The following KDM2B variants were observed in gnomAD, a reference collection of about 807,000 sequenced individuals.
KDM2B encodes lysine demethylase 2B, also known as lysine-specific demethylase 2B.
Under a neutral mutation model 150.0 loss-of-function variants are expected in KDM2B, and 26 were observed. That is an observed-to-expected ratio of 0.17 (90% CI 0.13 to 0.24). The LOEUF (loss-of-function observed/expected upper bound fraction) is 0.24. KDM2B is among the 10% of genes least tolerant of loss of function. The probability of loss-of-function intolerance (pLI) is 1.00; values close to 1 mark genes in which losing one functional copy is unlikely to be tolerated. For synonymous variants in KDM2B, 734 were observed against 729.5 expected, an observed-to-expected ratio of 1.01 and a Z score of -0.10; for missense variants, 1,265 against 1,816.9, an observed-to-expected ratio of 0.70 and a Z score of 5.52.
chr12:121,449,292 G>A (rs577301579), intron 13 of KDM2B, among the ~76,000 whole-genome samples: 3 of 152,250 alleles, frequency 2.0e-5, no homozygotes, highest in Non-Finnish European at 4.4e-5. Flanking sequence ...CAGCCCCAGC[G>A]ACGGAGCAAA....
chr12:121,419,269 A>G, the KDM2B span, among the ~76,000 whole-genome samples: 1 of 152,240 alleles, frequency 6.6e-6, no homozygotes, highest in Admixed American at 6.5e-5. Flanking sequence ...GTAGCCGGCC[A>G]TGCCCTATAG....
chr12:121,570,232 A>G (rs1890998407), intron 4 of KDM2B, among the ~76,000 whole-genome samples: 1 of 151,810 alleles, frequency 6.6e-6, no homozygotes, highest in African/African-American at 2.4e-5. Context: ...TTGTATTTTT[A>G]GTAGGGACAG....
chr12:121,563,870 T>C (rs570593191), intron 4 of KDM2B, among the ~76,000 whole-genome samples: 17 of 151,436 alleles, frequency 1.1e-4, no homozygotes, highest in Non-Finnish European at 2.2e-4. Context: ...GCACTCCATA[T>C]TGGGCAACAG....
At chr12:121,559,919 G>T (rs1348109410) in intron 4 of KDM2B, among the ~76,000 whole-genome samples, 6 of 149,724 alleles carry the variant, frequency 4.0e-5, no homozygotes, top group African/African-American at 1.5e-4. Context: ...AAAAAAAAAA[G>T]GAGTAACATC....
chr12:121,517,979 G>A (rs1411300972), intron 9 of KDM2B, among the ~76,000 whole-genome samples: 2 of 152,072 alleles, frequency 1.3e-5, no homozygotes, highest in African/African-American at 4.8e-5. Flanking sequence ...TGCAACCTTT[G>A]CCTCCCGGGT....
chr12:121,493,067 T>C (rs1283797918), intron 12 of KDM2B, among the ~76,000 whole-genome samples: 1 of 135,842 alleles, frequency 7.4e-6, no homozygotes, highest in Non-Finnish European at 1.6e-5. Context: ...GGCTTTTTTT[T>C]TTTTTTTTTT....
intron 4 of KDM2B, among the ~76,000 whole-genome samples, chr12:121,568,683 G>T (rs1284833061): frequency 6.6e-6 from 1 of 152,096 alleles, no homozygotes; most frequent in Non-Finnish European, 1.5e-5. Flanking sequence ...GCAGTGGAGG[G>T]CGGAGACTAC....
chr12:121,542,245 G>A (rs1338002105), intron 6 of KDM2B, among the ~76,000 whole-genome samples: 10 of 152,194 alleles, frequency 6.6e-5, no homozygotes, highest in African/African-American at 1.9e-4. Flanking sequence ...CAACAGCCAC[G>A]GGGATGCACC....
rs1220609756 is a variant in KDM2B, at chr12:121,520,423, G to A, written c.1047+562C>T. 2.0e-5 allele frequency among the ~76,000 whole-genome samples: 3 copies of A among 152,108 alleles called. No homozygotes were observed. Among genetic ancestry groups the A allele is most frequent in the South Asian group, 4.1e-4 (2 of 4,824 alleles). On this transcript the variant is annotated intron_variant, in intron 9 of 22. Coordinates refer to ENST00000377071, the MANE Select transcript of KDM2B (RefSeq NM_032590.5). This position sits in a 1 kb window ranked among gnomAD's most constrained non-coding sequence, Gnocchi z 4.5. ...GAAACTAGCACCGTCCCTGTCAAGGGCAGAGAAAAGCCTCGGCCCCAGGAA... is the reference window on the plus strand; with the variant it reads ...GAAACTAGCACCGTCCCTGTCAAGGACAGAGAAAAGCCTCGGCCCCAGGAA...
At chr12:121,423,853 G>A in the KDM2B span, 2 of 375,980 alleles carry the variant, frequency 5.3e-6, no homozygotes, top group Admixed American at 4.4e-5. The surrounding 1 kb of genome is among the most constrained non-coding windows in gnomAD (Gnocchi z 4.3). Flanking sequence ...CGCCATGTGG[G>A]CATCAGCCAC....
rs143222790 is a variant in KDM2B, at chr12:121,554,156, G to GA, written c.398-4519dup. Among the ~76,000 whole-genome samples the GA allele has an allele frequency of 8.5e-3, 1,293 of 151,828 alleles. 21 individuals are homozygous for GA. The highest frequency in any genetic ancestry group is 0.029 in the African/African-American group (1,212 of 41,370). On this transcript the variant is annotated intron_variant, in intron 4 of 22. Transcript: ENST00000377071. ...GAAGGCTGAAGTGGGAGGACTGCTTGAGCGTCAGGAGGTTGAGGCTCCAGT... is the reference window on the plus strand; with the variant it reads ...GAAGGCTGAAGTGGGAGGACTGCTTGAAGCGTCAGGAGGTTGAGGCTCCAGT...
chr12:121,440,222 C>A (rs1228057253), intron 21 of KDM2B, 147 bp from the exon 22 acceptor site: 1 of 622,802 alleles, frequency 1.6e-6, no homozygotes. Flanking sequence ...AATCATAATT[C>A]CAACAGTGAA....
the KDM2B span, chr12:121,415,374 A>G: frequency 3.4e-6 from 1 of 292,456 alleles, no homozygotes; most frequent in Non-Finnish European, 7.6e-6. Context: ...TAATCTGAGC[A>G]CTTCAGGAGG....
chr12:121,533,224 G>A lies in KDM2B; in HGVS notation c.778-265C>T, dbSNP rs149543139. 3.0e-3 allele frequency among the ~76,000 whole-genome samples: 453 copies of A among 152,290 alleles called. 2 individuals carry two copies. The highest frequency in any genetic ancestry group is 4.9e-3 in the Non-Finnish European group (333 of 68,016). ...AGGATGGGAGTACTTCCTGGACTGG[G>A]TGGGACATGCTTTCTCCCGAACCAC... On this transcript the variant is annotated intron_variant, in intron 7 of 22. Transcript: ENST00000377071. The surrounding 1 kb of genome is among the most constrained non-coding windows in gnomAD (Gnocchi z 4.1).
chr12:121,533,997 G>A lies in KDM2B; in HGVS notation c.777+500C>T, dbSNP rs1013573616. ...GGAGGCTACAGCGAGCTGTGATTTC[G>A]CCACTGCACTCCACCCTGGGTGACA... On this transcript the variant is annotated intron_variant, in intron 7 of 22. Transcript: ENST00000377071. The surrounding 1 kb of genome is among the most constrained non-coding windows in gnomAD (Gnocchi z 4.1). Among the ~76,000 whole-genome samples the A allele has an allele frequency of 2.6e-5, 4 of 152,014 alleles. No homozygotes were observed. Among genetic ancestry groups the A allele is most frequent in the Non-Finnish European group, 4.4e-5 (3 of 68,000 alleles).
At chr12:121,417,915 C>A in the KDM2B span, 1 of 1,611,604 alleles carries the variant, frequency 6.2e-7, no homozygotes, top group Non-Finnish European at 8.5e-7. This position sits in a 1 kb window ranked among gnomAD's most constrained non-coding sequence, Gnocchi z 5.0. Flanking sequence ...GGCACAGGTA[C>A]GAGGGGGTAA....
At chr12:121,580,361 G>A (rs1208023547) in intron 1 of KDM2B, 3 of 1,142,812 alleles carry the variant, frequency 2.6e-6, no homozygotes, top group South Asian at 6.5e-5. Flanking sequence ...CCCGGGCTTG[G>A]GGGGGTGGGG....
intron 4 of KDM2B, among the ~76,000 whole-genome samples, chr12:121,560,486 G>A (rs1232857056): frequency 1.3e-5 from 2 of 152,108 alleles, no homozygotes; most frequent in African/African-American, 4.8e-5. Context: ...GTGGGTGGGG[G>A]GTGCTCAGAA....
At position 121,439,034 on chromosome 12, in the gene KDM2B, T is replaced by G. The variant is rs900584864; in HGVS notation, c.3829+823A>C. 5.9e-5 allele frequency among the ~76,000 whole-genome samples: 9 copies of G among 152,296 alleles called. No homozygotes were observed. In the East Asian group the frequency reaches 1.7e-3, roughly 29 times the overall value. On this transcript the variant is annotated intron_variant, in intron 22 of 22. Coordinates refer to ENST00000377071, the MANE Select transcript of KDM2B (RefSeq NM_032590.5). The stretch of plus-strand genomic sequence containing the variant: ...AACCAACTGCCGCCCCAACGGCAAG[T>G]GCAGCGAGCGAAGATCCTGCACCAC...
Sources: gnomAD v4.1 joint callset for allele counts (sites outside exome capture counted in the v4.1 genomes callset) on GRCh38, gnomAD v4.1.1 for gene constraint, Gnocchi (gnomAD v3.1) non-coding constraint, MANE v1.5 for transcripts, NCBI Gene and HGNC (gene_info 2026-07-23, HGNC 2026-07-21) for gene names.